SLC6A20: variants seen among roughly 807,000 people sequenced by gnomAD.
SLC6A20 encodes the protein solute carrier family 6 member 20, also known as sodium- and chloride-dependent transporter XTRP3.
A neutral mutation model predicts 64.3 loss-of-function variants in SLC6A20; 73 were observed. The ratio of observed to expected loss-of-function variants is 1.14; its 90% CI spans 0.94 to 1.38. The LOEUF (loss-of-function observed/expected upper bound fraction) is 1.38. Among genes scored for constraint, SLC6A20 ranks in the 40% most tolerant of loss-of-function variants. SLC6A20 has a pLI of 0.00. For synonymous variants in SLC6A20, 347 were observed against 329.6 expected (o/e 1.05, Z -0.57); for missense variants, 725 against 772.8 (o/e 0.94, Z 0.73).
chr3:45,761,232 C>G lies in SLC6A20; in HGVS notation c.1464-1210G>C, dbSNP rs566425652. Among the ~76,000 whole-genome samples the G allele has an allele frequency of 2.0e-4, 31 of 151,920 alleles. 1 individual carries two copies. The East Asian group carries it at 5.2e-3, about 26-fold the overall frequency. On this transcript the variant is annotated intron_variant, in intron 9 of 10. Coordinates refer to ENST00000358525, the MANE Select transcript of SLC6A20 (RefSeq NM_020208.4). ...CCTTCACACCCCCATAACCCCCCCC[C>G]CTTTCCTGGATGGAGAAAGTTGGGA... is the stretch of plus-strand genomic sequence containing the variant.
In SLC6A20 at chr3:45,758,707, G is replaced by C. The variant is rs1439290359; in HGVS notation, c.*271C>G. 7 of 1,242,742 alleles carry C rather than the reference G, an allele frequency of 5.6e-6. No individual in the cohort carries two copies. The highest frequency in any genetic ancestry group is 3.1e-5 in the African/African-American group (2 of 64,278). 77.0% of individuals were successfully genotyped at this position (1,242,742 alleles called of 1,614,324 possible). A position where few individuals can be genotyped will look rare whatever the true frequency, so the allele number is the denominator to read the frequency against. On this transcript the variant is annotated 3_prime_UTR_variant, in exon 11 of 11. Transcript: ENST00000358525. ...TGTGCCCTAATTCTAGGGCTTTCCT[G>C]GAATGAAGGATGCAGTTATCTTTGA... is the stretch of plus-strand genomic sequence containing the variant.
At position 45,763,163 on chromosome 3, in the gene SLC6A20, CAG is replaced by C. The variant is rs1699716143; in HGVS notation, c.1304-93_1304-92del. ...ACAGGACAGTGGGGTCGTCGGCCCT[CAG>C]GGAATTTTGGCTGATTGCTTCATCC... On this transcript the variant is annotated intron_variant, in intron 8 of 10. Transcript: ENST00000358525. 2 of 1,555,476 alleles carry C rather than the reference CAG, an allele frequency of 1.3e-6. 1 individual carries two copies. Among genetic ancestry groups the C allele is most frequent in the South Asian group, 2.4e-5 (2 of 82,828 alleles).
Position 45,757,739 on chromosome 3 carries a change from A to G in SLC6A20, c.*1239T>C, listed in dbSNP as rs1699572976. ...TTTTCCCCACATGGACTAATGCGAT[A>G]TCATAGATATGGTGTGTCTTCAGTT... On this transcript the variant is annotated 3_prime_UTR_variant, in exon 11 of 11. Coordinates refer to ENST00000358525, the MANE Select transcript of SLC6A20 (RefSeq NM_020208.4). 1 of 153,884 alleles carries G rather than the reference A, an allele frequency of 6.5e-6. No individual in the cohort carries two copies. Among genetic ancestry groups the G allele is most frequent in the South Asian group, 2.0e-4 (1 of 4,914 alleles). The allele number at this position is 153,884 out of a possible 1,614,324, so 9.5% of individuals were successfully genotyped here. A position where few individuals can be genotyped will look rare whatever the true frequency, so the allele number is the denominator to read the frequency against.
intron 4 of SLC6A20, among the ~76,000 whole-genome samples, chr3:45,774,221 T>A (rs576698293): frequency 3.3e-5 from 5 of 152,248 alleles, no homozygotes; most frequent in African/African-American, 1.2e-4. Flanking sequence ...GGGAGAAGGG[T>A]GTAGCTGAAG....
At chr3:45,774,185 A>G (rs536290548) in intron 4 of SLC6A20, among the ~76,000 whole-genome samples, 1 of 152,350 alleles carries the variant, frequency 6.6e-6, no homozygotes, top group South Asian at 2.1e-4. Flanking sequence ...CTCTATTTAC[A>G]TAGAGCTGTT....
rs1479143869 is a variant in SLC6A20, at chr3:45,780,041, A to G, written c.322T>C (p.Trp108Arg). Residue 108 changes from tryptophan to arginine, a missense_variant, in exon 3 of 11, where the codon TGG (tryptophan) becomes CGG (arginine). Transcript: ENST00000358525. Reference sequence around the variant, plus strand: ...GAGTGGAAGAGGTACCAGAAGGCCCAGGCGTTGATGACGTTGTAGTACATG... The same window carrying G: ...GAGTGGAAGAGGTACCAGAAGGCCCGGGCGTTGATGACGTTGTAGTACATG... ...LSMYYNVINA[W>R]AFWYLFHSFQ... is the part of the protein sequence containing the mutation. 1 of 1,605,374 alleles carries G rather than the reference A, an allele frequency of 6.2e-7. No homozygotes were observed. Among genetic ancestry groups the G allele is most frequent in the Non-Finnish European group, 8.5e-7 (1 of 1,175,920 alleles).
chr3:45,768,331 A>G (rs1022858298), intron 7 of SLC6A20, among the ~76,000 whole-genome samples: 2 of 152,230 alleles, frequency 1.3e-5, no homozygotes, highest in African/African-American at 4.8e-5. Context: ...GAAAGAAAAA[A>G]AAAAGAACAA....
chr3:45,784,125 G>A (rs573282632), intron 1 of SLC6A20, among the ~76,000 whole-genome samples: 1 of 152,318 alleles, frequency 6.6e-6, no homozygotes, highest in East Asian at 1.9e-4. Flanking sequence ...AGTGCCCATG[G>A]GTAGGGTGGA....
In SLC6A20 at chr3:45,759,083, G is replaced by A. The variant is rs1699603617; in HGVS notation, c.1674C>T (p.Val558=). Residue 558 remains valine, a synonymous_variant, in exon 11 of 11, where the codon GTC becomes GTT. Coordinates refer to ENST00000358525, the MANE Select transcript of SLC6A20 (RefSeq NM_020208.4). ...TKDYPAYALA[V]IGLLVASSTM... ...TGGAGGAGGCCACAAGCAGCCCGAT[G>A]ACAGCCAGTGCATAGGCCGGGTAAT... 6.2e-7 allele frequency: 1 copy of A among 1,613,032 alleles called. No homozygotes were observed. The highest frequency in any genetic ancestry group is 1.1e-5 in the South Asian group (1 of 90,732).
intron 9 of SLC6A20, among the ~76,000 whole-genome samples, chr3:45,761,058 C>A (rs111741390): frequency 1.3e-5 from 2 of 152,140 alleles, no homozygotes; most frequent in African/African-American, 4.8e-5. Context: ...GGTGTCCATG[C>A]GAGGCTGTGT....
In SLC6A20 at chr3:45,770,260, G is replaced by T. The variant is rs1364401221; in HGVS notation, c.1047C>A (p.Ser349Arg). The change falls in exon 7 of 11, where the codon AGC becomes AGA. Residue 349 changes from serine (S) to arginine (R), a missense_variant. Physicochemically the swap from Ser to Arg is moderately radical, Grantham distance 110 (BLOSUM62 -1). Coordinates refer to ENST00000358525, the MANE Select transcript of SLC6A20 (RefSeq NM_020208.4). ...YLASAYPSKY[S>R]EMFPQIKNCS... ...AGTTTTTGATTTGCGGGAACATCTC[G>T]CTGTATTTGCTTGGGTAGGCAGATG... 3.7e-6 allele frequency: 6 copies of T among 1,614,036 alleles called. No homozygotes were observed. The African/African-American group carries it at 4.0e-5, about 11-fold the overall frequency.
chr3:45,782,324 A>G, intron 1 of SLC6A20, 101 bp from the exon 2 acceptor site: 2 of 1,458,862 alleles, frequency 1.4e-6, no homozygotes, highest in East Asian at 2.5e-5. Flanking sequence ...CTGTCTTTCT[A>G]CTTGTCCATG....
chr3:45,770,427 AAGCCTCCCGTC>A lies in SLC6A20; in HGVS notation c.936-67_936-57del. On this transcript the variant is annotated intron_variant, in intron 6 of 10. Coordinates refer to ENST00000358525, the MANE Select transcript of SLC6A20 (RefSeq NM_020208.4). ...CTGATCAGAAAGGCAGCTGTCACCAAAGCCTCCCGTCAGCCTCTTCTTTTCTGATTAGGTGA... is the reference window on the plus strand; with the variant it reads ...CTGATCAGAAAGGCAGCTGTCACCAAAGCCTCTTCTTTTCTGATTAGGTGA... 1.9e-6 allele frequency: 3 copies of A among 1,594,010 alleles called. No homozygotes were observed. The East Asian group carries it at 6.7e-5, about 36-fold the overall frequency.
chr3:45,766,928 A>G lies in SLC6A20; in HGVS notation c.1099-1187T>C, dbSNP rs561564829. ...TTAGGTGGGAGGATCACTTGAGCTC[A>G]GGAGTTTGAGATCAGCCTGCGCAAC... On this transcript the variant is annotated intron_variant, in intron 7 of 10. Coordinates refer to ENST00000358525, the MANE Select transcript of SLC6A20 (RefSeq NM_020208.4). Among the ~76,000 whole-genome samples the G allele has an allele frequency of 2.0e-5, 3 of 152,344 alleles. No homozygotes were observed. In the South Asian group the frequency reaches 6.2e-4, roughly 32 times the overall value.
chr3:45,758,317 G>GT lies in SLC6A20; in HGVS notation c.*660dup. ...GATGTCTGCACAGACTTCTAATGTG[G>GT]TTTGGGGTTGCAAACTGTAGTTGGG... On this transcript the variant is annotated 3_prime_UTR_variant, in exon 11 of 11. Coordinates refer to ENST00000358525, the MANE Select transcript of SLC6A20 (RefSeq NM_020208.4). 4 of 669,022 alleles carry GT rather than the reference G, an allele frequency of 6.0e-6. No individual in the cohort carries two copies. Among genetic ancestry groups the GT allele is most frequent in the Non-Finnish European group, 9.1e-6 (4 of 441,930 alleles). 41.4% of individuals were successfully genotyped at this position (669,022 alleles called of 1,614,324 possible). A position where few individuals can be genotyped will look rare whatever the true frequency, so the allele number is the denominator to read the frequency against.
intron 10 of SLC6A20, 37 bp from the exon 11 acceptor site, chr3:45,759,164 G>A: frequency 6.3e-7 from 1 of 1,581,144 alleles, no homozygotes; most frequent in Non-Finnish European, 8.6e-7. Flanking sequence ...GAGAGCACCT[G>A]CTGAGCACTG....
chr3:45,780,619 C>T (rs958952340), intron 2 of SLC6A20, among the ~76,000 whole-genome samples: 3 of 152,046 alleles, frequency 2.0e-5, no homozygotes, highest in East Asian at 1.9e-4. Context: ...TGTGAGGAGG[C>T]GGTGGGGAGG....
In SLC6A20 at chr3:45,775,983, G is replaced by T; in HGVS notation, c.360C>A (p.Pro120=). ...FWYLFHSFQD[P]LPWSVCPLNG... Reference sequence around the variant, plus strand: ...TCAGTGGGCAGACAGACCACGGCAGGGGATCCTGTGGGACCAAAGCAAGTG... The same window carrying T: ...TCAGTGGGCAGACAGACCACGGCAGTGGATCCTGTGGGACCAAAGCAAGTG... The change falls in exon 4 of 11, where the codon CCC becomes CCA. Residue 120 remains proline (P), a synonymous_variant. Coordinates refer to ENST00000358525, the MANE Select transcript of SLC6A20 (RefSeq NM_020208.4). 6.2e-7 allele frequency: 1 copy of T among 1,614,078 alleles called. No homozygotes were observed. Among genetic ancestry groups the T allele is most frequent in the Non-Finnish European group, 8.5e-7 (1 of 1,179,950 alleles).
In SLC6A20 at chr3:45,782,176, G is replaced by A; in HGVS notation, c.169C>T (p.Pro57Ser). ...YIIMLIVEGM[P>S]LLYLELAVGQ... ...ACAGCCAGTTCCAGGTACAAGAGCG[G>A]CATTCCCTCCACGATAAGCATGATG... The change falls in exon 2 of 11, where the codon CCG becomes TCG. Residue 57 changes from proline (P) to serine (S), a missense_variant. Physicochemically the swap from Pro to Ser is moderately conservative, Grantham distance 74 (BLOSUM62 -1). Coordinates refer to ENST00000358525, the MANE Select transcript of SLC6A20 (RefSeq NM_020208.4). 1 of 1,613,780 alleles carries A rather than the reference G, an allele frequency of 6.2e-7. No homozygotes were observed. Among genetic ancestry groups the A allele is most frequent in the Non-Finnish European group, 8.5e-7 (1 of 1,179,872 alleles).
Sources: gnomAD v4.1 joint callset for allele counts (sites outside exome capture counted in the v4.1 genomes callset) on GRCh38, gnomAD v4.1.1 for gene constraint, MANE v1.5 for transcripts, NCBI Gene and HGNC (gene_info 2026-07-23, HGNC 2026-07-21) for gene names.